ASB16: variants seen among roughly 807,000 people sequenced by gnomAD.
ASB16 encodes the protein ankyrin repeat and SOCS box protein 16.
In ASB16, 44 loss-of-function variants were observed where a neutral mutation model predicts 39.1. The observed-to-expected ratio is 1.13, with a 90% CI of 0.88 to 1.45. The LOEUF is 1.45. Among genes scored for constraint, ASB16 ranks in the 40% most tolerant of loss-of-function variants. ASB16 has a pLI of 0.00. For missense variants in ASB16, 698 were observed against 634.5 expected (o/e 1.10, Z -1.07); for synonymous variants, 305 against 286.7 (o/e 1.06, Z -0.64).
chr17:44,175,086 A>C (rs2054275799), intron 2 of ASB16, among the ~76,000 whole-genome samples: 1 of 133,902 alleles, frequency 7.5e-6, no homozygotes, highest in Non-Finnish European at 1.5e-5. Flanking sequence ...TGGGCGACAG[A>C]GCAAGACTCT....
chr17:44,172,381 G>T, intron 2 of ASB16, 68 bp downstream of exon 2: 1 of 1,553,654 alleles, frequency 6.4e-7, no homozygotes. Flanking sequence ...CACAAGGCCA[G>T]AAGAGGGAAC....
In ASB16 at chr17:44,176,813, C is replaced by T. The variant is rs1186222340; in HGVS notation, c.645C>T (p.His215=). Residue 215 remains histidine, a synonymous_variant, in exon 3 of 5, where the codon CAC becomes CAT. Coordinates refer to ENST00000293414, the MANE Select transcript of ASB16 (RefSeq NM_080863.5). ...GCGAGAGCCAGGAGACGCCCCTGCA[C>T]GTGGCGGCGGCGCGCGGCCTGGAGC... ...AAGESQETPL[H]VAAARGLEQH... is the part of the protein sequence containing the mutation. 1.2e-6 allele frequency: 2 copies of T among 1,612,686 alleles called. No homozygotes were observed. The highest frequency in any genetic ancestry group is 2.7e-5 in the African/African-American group (2 of 74,848).
chr17:44,171,927 G>C (rs2054245816), intron 1 of ASB16, 119 bp from the exon 2 acceptor site: 4 of 1,056,174 alleles, frequency 3.8e-6, no homozygotes, highest in Non-Finnish European at 5.4e-6. Flanking sequence ...GGCAGTGTTT[G>C]TGCTCAGCAA....
At chr17:44,175,368 C>T (rs1294343258) in intron 2 of ASB16, among the ~76,000 whole-genome samples, 3 of 139,364 alleles carry the variant, frequency 2.2e-5, no homozygotes, top group East Asian at 2.1e-4. Flanking sequence ...CACCACTGCA[C>T]TCCAGCCTGG....
In ASB16 at chr17:44,177,023, C is replaced by A. The variant is rs1325931228; in HGVS notation, c.855C>A (p.His285Gln). 2 of 1,489,628 alleles carry A rather than the reference C, an allele frequency of 1.3e-6. No homozygotes were observed. The highest frequency in any genetic ancestry group is 1.8e-6 in the Non-Finnish European group (2 of 1,132,576). 92.3% of individuals were successfully genotyped at this position (1,489,628 alleles called of 1,614,324 possible). ...CCCGGGCGGCCGGGCGCAAGCGCCA[C>A]ACGCCGCTGCACAACGCTTGTGCCA... ...ADARAAGRKR[H>Q]TPLHNACANG... The change falls in exon 3 of 5, where the codon CAC becomes CAA. Residue 285 changes from histidine (H) to glutamine (Q), a missense_variant. Transcript: ENST00000293414.
Position 44,178,377 on chromosome 17 carries a change from G to A in ASB16, c.1349G>A (p.Gly450Glu). Residue 450 changes from glycine (G) to glutamate (E), a missense_variant, in exon 5 of 5, where the codon GGG (glycine) becomes GAG (glutamate). By Grantham distance (98) the Gly-to-Glu change is moderately conservative. Transcript: ENST00000293414. ...LRDYLLLRVE[G>E]CIQ ...GACTACCTGCTGCTGCGTGTGGAGGGGTGCATCCAGTGAACCCCATGTCAG... is the reference window on the plus strand; with the variant it reads ...GACTACCTGCTGCTGCGTGTGGAGGAGTGCATCCAGTGAACCCCATGTCAG... 6.3e-7 allele frequency: 1 copy of A among 1,599,568 alleles called. No individual in the cohort carries two copies. Among genetic ancestry groups the A allele is most frequent in the Non-Finnish European group, 8.5e-7 (1 of 1,171,934 alleles).
intron 2 of ASB16, among the ~76,000 whole-genome samples, chr17:44,172,684 G>T (rs976312035): frequency 6.6e-6 from 1 of 150,782 alleles, no homozygotes; most frequent in East Asian, 2.0e-4. Flanking sequence ...GTAGTGCAGT[G>T]GCGTGGTCTC....
In ASB16 at chr17:44,177,056, CG is replaced by C; in HGVS notation, c.893del (p.Gly298AlafsTer59). On this transcript the variant is annotated frameshift_variant, in exon 3 of 5. Coordinates refer to ENST00000293414, the MANE Select transcript of ASB16 (RefSeq NM_080863.5). LOFTEE classifies it high-confidence loss of function. ...PLHNACANGC[G>X]GLAELLLRYG... is the part of the protein sequence containing the mutation. The stretch of plus-strand genomic sequence containing the variant: ...TGCACAACGCTTGTGCCAACGGCTG[CG>C]GGGGCCTGGCCGAGCTGCTGCTGCG... 2.7e-6 allele frequency: 4 copies of C among 1,473,256 alleles called. No individual in the cohort carries two copies. The highest frequency in any genetic ancestry group is 2.7e-6 in the Non-Finnish European group (3 of 1,125,754). 91.3% of individuals were successfully genotyped at this position (1,473,256 alleles called of 1,614,324 possible).
At chr17:44,175,192 G>A (rs2054277517) in intron 2 of ASB16, among the ~76,000 whole-genome samples, 1 of 151,000 alleles carries the variant, frequency 6.6e-6, no homozygotes, top group Non-Finnish European at 1.5e-5. Flanking sequence ...GAGGTCAGGA[G>A]ATCGAGACCA....
In ASB16 at chr17:44,178,473, C is replaced by CTCTTT. The variant is rs2054333335; in HGVS notation, c.*95_*99dup. On this transcript the variant is annotated 3_prime_UTR_variant, in exon 5 of 5. Coordinates refer to ENST00000293414, the MANE Select transcript of ASB16 (RefSeq NM_080863.5). ...AACTGCGGAGGACCAGTTCCTGGCC[C>CTCTTT]TCTTTTCTTTTCTTTTTGAGACCTA... 2.1e-6 allele frequency: 3 copies of CTCTTT among 1,396,082 alleles called. No homozygotes were observed. The highest frequency in any genetic ancestry group is 2.5e-5 in the East Asian group (1 of 39,648). The allele number at this position is 1,396,082 out of a possible 1,614,324, so 86.5% of individuals were successfully genotyped here.
intron 1 of ASB16, among the ~76,000 whole-genome samples, chr17:44,171,796 A>G (rs147979367): frequency 4.0e-4 from 61 of 152,160 alleles, no homozygotes; most frequent in African/African-American, 1.4e-3. Flanking sequence ...TTATACAGCA[A>G]TTAATTTTTT....
intron 4 of ASB16, chr17:44,177,963 G>A: frequency 1.5e-6 from 1 of 678,710 alleles, no homozygotes; most frequent in Non-Finnish European, 2.5e-6. Flanking sequence ...CTCTTAACTT[G>A]GTGGGCACTG....
rs2054239407 is a variant in ASB16, at chr17:44,171,093, A to C, written c.301+3A>C. 1.2e-6 allele frequency: 2 copies of C among 1,610,260 alleles called. No individual in the cohort carries two copies. Among genetic ancestry groups the C allele is most frequent in the Non-Finnish European group, 1.7e-6 (2 of 1,177,514 alleles). On this transcript the variant is annotated splice_donor_region_variant and intron_variant, in intron 1 of 4. Transcript: ENST00000293414. The stretch of plus-strand genomic sequence containing the variant: ...GCTGGCCTGGTCGGCTGAACAGGGT[A>C]GGGGGCACCAGAAGAGGGCAGAAGA...
At position 44,177,639 on chromosome 17, in the gene ASB16, G is replaced by A; in HGVS notation, c.1093G>A (p.Ala365Thr). The change falls in exon 4 of 5, where the codon GCC becomes ACC. Residue 365 changes from alanine to threonine, a missense_variant. Ala to Thr is a moderately conservative substitution (Grantham distance 58). Transcript: ENST00000293414. ...MLKHCANFPR[A>T]LEVLLNAYPC... ...GAAACACTGCGCCAACTTCCCTCGG[G>A]CCCTGGAAGTCCTGCTTAATGCCTA... is the stretch of plus-strand genomic sequence containing the variant. 12 of 1,613,930 alleles carry A rather than the reference G, an allele frequency of 7.4e-6. No individual in the cohort carries two copies. The highest frequency in any genetic ancestry group is 9.3e-6 in the Non-Finnish European group (11 of 1,179,882).
intron 2 of ASB16, among the ~76,000 whole-genome samples, chr17:44,174,347 ACTGG>A (rs2054269436): frequency 6.6e-6 from 1 of 151,842 alleles, no homozygotes; most frequent in African/African-American, 2.4e-5. Context: ...GCCCGGCCCA[ACTGG>A]CTATTTTTTA....
chr17:44,178,647 T>G lies in ASB16; in HGVS notation c.*257T>G. ...GTCACCACACCTGGCTGATTTTGTATTTTTAGTAGAGACAGGGTCTCACCA... is the reference window on the plus strand; with the variant it reads ...GTCACCACACCTGGCTGATTTTGTAGTTTTAGTAGAGACAGGGTCTCACCA... On this transcript the variant is annotated 3_prime_UTR_variant, in exon 5 of 5. Transcript: ENST00000293414. 2.0e-6 allele frequency: 1 copy of G among 506,880 alleles called. No homozygotes were observed. The highest frequency in any genetic ancestry group is 2.3e-5 in the South Asian group (1 of 43,946). 31.4% of individuals were successfully genotyped at this position (506,880 alleles called of 1,614,324 possible). A position where few individuals can be genotyped will look rare whatever the true frequency, so the allele number is the denominator to read the frequency against.
Position 44,172,199 on chromosome 17 carries a change from C to T in ASB16, c.455C>T (p.Ala152Val). ...GGRAALHEAC[A>V]RAQFDCVRLL... ...CGCGCTGCCTTGCATGAGGCCTGTG[C>T]CCGAGCCCAGTTTGACTGTGTGCGG... is the stretch of plus-strand genomic sequence containing the variant. Residue 152 changes from alanine to valine, a missense_variant, in exon 2 of 5, where the codon GCC becomes GTC. Physicochemically the swap from Ala to Val is moderately conservative, Grantham distance 64 (BLOSUM62 0). Coordinates refer to ENST00000293414, the MANE Select transcript of ASB16 (RefSeq NM_080863.5). The T allele has an allele frequency of 1.9e-6, 3 of 1,613,404 alleles. No homozygotes were observed. The highest frequency in any genetic ancestry group is 8.5e-7 in the Non-Finnish European group (1 of 1,180,032).
At position 44,170,744 on chromosome 17, in the gene ASB16, C is replaced by T; in HGVS notation, c.-46C>T. Reference sequence around the variant, plus strand: ...AAGGGAGGTAGTCGGGTCGAGGGAACCTGGCTCTGCCCAGGTGCCACTGCC... The same window carrying T: ...AAGGGAGGTAGTCGGGTCGAGGGAATCTGGCTCTGCCCAGGTGCCACTGCC... On this transcript the variant is annotated 5_prime_UTR_variant, in exon 1 of 5. Coordinates refer to ENST00000293414, the MANE Select transcript of ASB16 (RefSeq NM_080863.5). 2 of 1,531,600 alleles carry T rather than the reference C, an allele frequency of 1.3e-6. No homozygotes were observed. The highest frequency in any genetic ancestry group is 1.3e-5 in the South Asian group (1 of 77,786). The allele number at this position is 1,531,600 out of a possible 1,614,324, so 94.9% of individuals were successfully genotyped here.
At chr17:44,177,571 G>C in intron 3 of ASB16, 38 bp from the exon 4 acceptor site, 1 of 1,603,158 alleles carries the variant, frequency 6.2e-7, no homozygotes, top group Middle Eastern at 1.7e-4. Context: ...CCCTCGGGTG[G>C]GGGAGGCATG....
Sources: allele counts gnomAD v4.1 joint callset (sites outside exome capture counted in the v4.1 genomes callset), GRCh38; gene constraint gnomAD v4.1.1; transcripts MANE v1.5; gene names NCBI Gene and HGNC (gene_info 2026-07-23, HGNC 2026-07-21).